ASPRV1: variants seen among roughly 807,000 people sequenced by gnomAD.
ASPRV1 encodes the protein retroviral-like aspartic protease 1.
A neutral mutation model predicts 11.0 loss-of-function variants in ASPRV1; 7 were observed. The observed-to-expected ratio is 0.64, with a 90% CI of 0.36 to 1.20. ASPRV1 has a LOEUF of 1.20. Among genes scored for constraint, ASPRV1 ranks in the 50% most tolerant of loss-of-function variants. The pLI, the probability that ASPRV1 is intolerant of heterozygous loss-of-function variation, is 0.02. For synonymous variants in ASPRV1, 136 were observed against 138.4 expected, an observed-to-expected ratio of 0.98 and a Z score of 0.12; for missense variants, 299 against 320.0, an observed-to-expected ratio of 0.93 and a Z score of 0.50.
chr2:69,992,159 T>C, the ASPRV1 span, among the ~76,000 whole-genome samples: 1 of 152,188 alleles, frequency 6.6e-6, no homozygotes, highest in Non-Finnish European at 1.5e-5. Flanking sequence ...TTTTTTTTTT[T>C]CTGCCAGTGT....
the ASPRV1 span, among the ~76,000 whole-genome samples, chr2:70,058,882 CTTTTTT>C: frequency 9.8e-6 from 1 of 102,258 alleles, no homozygotes; most frequent in South Asian, 3.8e-4. Context: ...TATTACCCAA[CTTTTTT>C]TTTTTTTTTT....
At chr2:69,954,248 A>G in the ASPRV1 span, among the ~76,000 whole-genome samples, 1 of 152,122 alleles carries the variant, frequency 6.6e-6, no homozygotes, top group Admixed American at 6.5e-5. Context: ...AGACATCACT[A>G]ATCAATCATG....
the ASPRV1 span, among the ~76,000 whole-genome samples, chr2:70,006,805 G>A: frequency 6.6e-6 from 1 of 152,182 alleles, no homozygotes; most frequent in Non-Finnish European, 1.5e-5. Context: ...TGTGTAAAAT[G>A]CACATACCCT....
the ASPRV1 span, among the ~76,000 whole-genome samples, chr2:70,014,025 T>G: frequency 6.6e-6 from 1 of 152,248 alleles, no homozygotes; most frequent in African/African-American, 2.4e-5. Flanking sequence ...ATGGTAAATA[T>G]TGTTAAAACC....
the ASPRV1 span, chr2:70,000,617 C>G: frequency 6.6e-6 from 1 of 151,048 alleles, no homozygotes; most frequent in African/African-American, 2.4e-5. Context: ...CGGCAAAACC[C>G]TGTCTCTACT....
At chr2:70,013,928 G>A in the ASPRV1 span, among the ~76,000 whole-genome samples, 1 of 152,178 alleles carries the variant, frequency 6.6e-6, no homozygotes, top group South Asian at 2.1e-4. Flanking sequence ...CACATGTAAT[G>A]GATTCATTGT....
the ASPRV1 span, among the ~76,000 whole-genome samples, chr2:70,079,774 A>G: frequency 2.6e-4 from 40 of 152,378 alleles, no homozygotes; most frequent in East Asian, 3.9e-4. Flanking sequence ...TATTCCACGC[A>G]TAACACTTTT....
the ASPRV1 span, among the ~76,000 whole-genome samples, chr2:70,018,459 AT>A: frequency 6.6e-6 from 1 of 152,266 alleles, no homozygotes; most frequent in Non-Finnish European, 1.5e-5. Context: ...AAGACCCCAA[AT>A]AGCCAAAGCA....
At chr2:70,042,979 C>G in the ASPRV1 span, among the ~76,000 whole-genome samples, 1 of 152,130 alleles carries the variant, frequency 6.6e-6, no homozygotes, top group Non-Finnish European at 1.5e-5. Flanking sequence ...CATCTATAAA[C>G]CCAATTGTAA....
the ASPRV1 span, among the ~76,000 whole-genome samples, chr2:70,065,562 T>C: frequency 6.6e-6 from 1 of 151,752 alleles, no homozygotes; most frequent in African/African-American, 2.4e-5. Flanking sequence ...TTAGAATCAT[T>C]AGATAGTCAA....
chr2:70,017,084 G>A, the ASPRV1 span, among the ~76,000 whole-genome samples: 62 of 152,132 alleles, frequency 4.1e-4, no homozygotes, highest in East Asian at 2.3e-3. Flanking sequence ...TCCGCCTCCC[G>A]GGTTCATGCC....
the ASPRV1 span, among the ~76,000 whole-genome samples, chr2:69,994,503 G>A: frequency 6.6e-6 from 1 of 152,304 alleles, no homozygotes; most frequent in Non-Finnish European, 1.5e-5. Context: ...AGGAACCCGG[G>A]GTGCAGCATG....
the ASPRV1 span, chr2:70,050,685 C>CT: frequency 1.3e-5 from 2 of 152,100 alleles, no homozygotes; most frequent in East Asian, 3.8e-4. Context: ...TGCAGTGCTT[C>CT]ACACCTGTAA....
At chr2:70,031,680 G>C in the ASPRV1 span, 2 of 152,176 alleles carry the variant, frequency 1.3e-5, no homozygotes, top group African/African-American at 4.8e-5. Flanking sequence ...CTGGGCGACA[G>C]AGCAAGACTC....
upstream of ASPRV1, among the ~76,000 whole-genome samples, chr2:69,965,917 T>C (rs1678323847): frequency 6.6e-6 from 1 of 152,246 alleles, no homozygotes; most frequent in African/African-American, 2.4e-5. Flanking sequence ...CTTCCCCAGC[T>C]TGCCACTGTT....
chr2:69,991,137 C>A, the ASPRV1 span, among the ~76,000 whole-genome samples: 1 of 152,206 alleles, frequency 6.6e-6, no homozygotes, highest in Non-Finnish European at 1.5e-5. Context: ...CCCCACACCC[C>A]CTTCCTCTTG....
At chr2:70,008,043 C>T in the ASPRV1 span, among the ~76,000 whole-genome samples, 2 of 152,014 alleles carry the variant, frequency 1.3e-5, no homozygotes, top group East Asian at 1.9e-4. Context: ...ACTATGTTGG[C>T]CAGGCTGGTC....
chr2:70,059,195 A>G, the ASPRV1 span, among the ~76,000 whole-genome samples: 1 of 150,694 alleles, frequency 6.6e-6, no homozygotes, highest in African/African-American at 2.4e-5. Flanking sequence ...CTGGCCCACC[A>G]ACTAATTTTT....
chr2:70,009,415 C>T, the ASPRV1 span, among the ~76,000 whole-genome samples: 31 of 152,044 alleles, frequency 2.0e-4, no homozygotes, highest in Middle Eastern at 0.01. Flanking sequence ...CTGCAACCTC[C>T]GCCTCCTGGG....
Sources: allele counts gnomAD v4.1 joint callset (sites outside exome capture counted in the v4.1 genomes callset), GRCh38; gene constraint gnomAD v4.1.1; transcripts MANE v1.5; gene names NCBI Gene and HGNC (gene_info 2026-07-23, HGNC 2026-07-21).